Variants in SNRPN observed in about 807,000 individuals in gnomAD.
SNRPN encodes small nuclear ribonucleoprotein polypeptide N.
In SNRPN, 7 loss-of-function variants were observed where a neutral mutation model predicts 25.2. The ratio of observed to expected loss-of-function variants is 0.28; its 90% confidence interval spans 0.16 to 0.52. The LOEUF is 0.52. SNRPN is among the 20% of genes least tolerant of loss of function. The pLI is 0.96. For missense variants in SNRPN, 196 were observed against 322.5 expected (o/e 0.61, Z 3.00); for synonymous variants, 124 against 110.6 (o/e 1.12, Z -0.76).
intron 1 of SNRPN, among the ~76,000 whole-genome samples, chr15:24,824,621 A>G (rs1396234514): frequency 6.6e-6 from 1 of 152,148 alleles, no homozygotes; most frequent in African/African-American, 2.4e-5. Context: ...TTTCTTCTAT[A>G]TCAATGAGCA....
At position 24,835,122 on chromosome 15, in the gene SNRPN, TA is replaced by T. The variant is rs1169288835; in HGVS notation, c.-579+5221del. On this transcript the variant is annotated intron_variant, in intron 2 of 12. Transcript: ENST00000400100. ...GATATATATACTATATATCTATATA[TA>T]AAATATATAGATATATATACTATAT... 1.1e-4 allele frequency among the ~76,000 whole-genome samples: 7 copies of T among 62,420 alleles called. 2 individuals carry two copies. Among genetic ancestry groups the T allele is most frequent in the Admixed American group, 2.4e-4 (1 of 4,242 alleles). 40.9% of individuals were successfully genotyped at this position (62,420 alleles called of 152,430 possible). A position where few individuals can be genotyped will look rare whatever the true frequency, so the allele number is the denominator to read the frequency against.
At chr15:24,925,948 A>G (rs1352865080) in intron 3 of SNRPN, among the ~76,000 whole-genome samples, 3 of 152,038 alleles carry the variant, frequency 2.0e-5, no homozygotes, top group Non-Finnish European at 2.9e-5. Flanking sequence ...GTTAGGCAGG[A>G]TGGTCTCGAT....
At chr15:24,920,710 G>A (rs191102468) in intron 3 of SNRPN, among the ~76,000 whole-genome samples, 3 of 152,232 alleles carry the variant, frequency 2.0e-5, no homozygotes, top group African/African-American at 4.8e-5. Context: ...GGCGGGCAGC[G>A]GGCGTGTATA....
At chr15:24,918,364 ATG>A (rs2059678842) in intron 2 of SNRPN, among the ~76,000 whole-genome samples, 1 of 122,874 alleles carries the variant, frequency 8.1e-6, no homozygotes, top group Non-Finnish European at 1.7e-5. Context: ...CATTATATAT[ATG>A]TGTATATATA....
chr15:24,930,451 C>A (rs1012380661), intron 3 of SNRPN, among the ~76,000 whole-genome samples: 1 of 151,478 alleles, frequency 6.6e-6, no homozygotes, highest in African/African-American at 2.4e-5. Context: ...TCACCTATAC[C>A]TTATTAGAAC....
chr15:24,854,609 G>A (rs937680241), upstream of SNRPN, among the ~76,000 whole-genome samples: 1 of 152,046 alleles, frequency 6.6e-6, no homozygotes, highest in Admixed American at 6.6e-5. Context: ...CTTCTCAATA[G>A]ATTTATTGAA....
chr15:24,918,118 A>C (rs954570660), intron 2 of SNRPN, among the ~76,000 whole-genome samples: 1 of 151,850 alleles, frequency 6.6e-6, no homozygotes, highest in Non-Finnish European at 1.5e-5. Context: ...TCTTATAAAA[A>C]GTACGTATCT....
In SNRPN at chr15:24,834,990, GATATAT is replaced by G. The variant is rs778549429; in HGVS notation, c.-579+5089_-579+5094del. Among the ~76,000 whole-genome samples, 3 of 52,934 alleles carry G rather than the reference GATATAT, an allele frequency of 5.7e-5. 1 individual carries two copies. The highest frequency in any genetic ancestry group is 1.7e-4 in the African/African-American group (3 of 17,990). 34.7% of individuals were successfully genotyped at this position (52,934 alleles called of 152,430 possible). A position where few individuals can be genotyped will look rare whatever the true frequency, so the allele number is the denominator to read the frequency against. On this transcript the variant is annotated intron_variant, in intron 2 of 12. Transcript: ENST00000400100. Reference sequence around the variant, plus strand: ...AGTATATATATCTATATATAAAATAGATATATATAGTATATATATCTATATATAAAA... The same window carrying G: ...AGTATATATATCTATATATAAAATAGATAGTATATATATCTATATATAAAA...
chr15:24,947,864 G>C (rs1457521689), intron 3 of SNRPN, among the ~76,000 whole-genome samples: 1 of 152,018 alleles, frequency 6.6e-6, no homozygotes, highest in East Asian at 1.9e-4. Flanking sequence ...TTAGGGGGCG[G>C]AGGAATGGGT....
intron 2 of SNRPN, among the ~76,000 whole-genome samples, chr15:24,834,751 C>CTCTCTCTCTCTCTATATATATGTATA: frequency 3.3e-5 from 2 of 60,956 alleles, no homozygotes; most frequent in African/African-American, 1.2e-4. Context: ...CTCTCTCTCT[C>CTCTCTCTCTCTCTATATATATGTATA]TATATATATA....
intron 1 of SNRPN, among the ~76,000 whole-genome samples, chr15:24,878,347 C>T (rs1429757850): frequency 6.6e-6 from 1 of 152,168 alleles, no homozygotes; most frequent in Non-Finnish European, 1.5e-5. Context: ...GAGCGGCCGA[C>T]AAACCCGCAG....
chr15:24,869,719 AC>A, intron 1 of SNRPN, among the ~76,000 whole-genome samples: 1 of 152,314 alleles, frequency 6.6e-6, no homozygotes, highest in Non-Finnish European at 1.5e-5. Context: ...GATTACCTGG[AC>A]AAGTTAGCCT....
chr15:24,883,754 G>A (rs1249675223), intron 1 of SNRPN, among the ~76,000 whole-genome samples: 1 of 152,134 alleles, frequency 6.6e-6, no homozygotes, highest in Admixed American at 6.5e-5. Context: ...GCTCATGCCT[G>A]TAATTCCAGC....
chr15:24,835,799 C>T (rs2051124574), intron 2 of SNRPN, among the ~76,000 whole-genome samples: 1 of 152,102 alleles, frequency 6.6e-6, no homozygotes, highest in Non-Finnish European at 1.5e-5. Context: ...TATTTAAAAA[C>T]AACCTGAGTG....
chr15:24,919,559 T>C (rs900230249), intron 2 of SNRPN, among the ~76,000 whole-genome samples: 3 of 152,066 alleles, frequency 2.0e-5, no homozygotes, highest in African/African-American at 7.2e-5. Context: ...CGGAAATTTA[T>C]AACCAAAGAG....
chr15:24,916,240 G>A (rs1419014502), intron 2 of SNRPN, among the ~76,000 whole-genome samples: 1 of 152,124 alleles, frequency 6.6e-6, no homozygotes, highest in African/African-American at 2.4e-5. Context: ...GATTACAGGC[G>A]TGAGCCACCG....
At chr15:24,864,447 G>T (rs1388570006) in intron 1 of SNRPN, among the ~76,000 whole-genome samples, 8 of 137,172 alleles carry the variant, frequency 5.8e-5, no homozygotes, top group East Asian at 2.3e-4. Flanking sequence ...GGGTTCAAGC[G>T]ATTCTCCTGC....
chr15:24,888,499 T>G (rs1170808363), intron 2 of SNRPN, among the ~76,000 whole-genome samples: 1 of 152,254 alleles, frequency 6.6e-6, no homozygotes, highest in Non-Finnish European at 1.5e-5. Context: ...TGCAATTTTT[T>G]TCTTTTATTG....
At chr15:24,957,413 TAATG>T (rs1226797618) in intron 1 of SNRPN, among the ~76,000 whole-genome samples, 1 of 152,204 alleles carries the variant, frequency 6.6e-6, no homozygotes, top group Non-Finnish European at 1.5e-5. Context: ...ATTTTTAAAT[TAATG>T]ATCATTTTTG....
Sources: allele counts gnomAD v4.1 joint callset (sites outside exome capture counted in the v4.1 genomes callset), GRCh38; gene constraint gnomAD v4.1.1; transcripts MANE v1.5; gene names NCBI Gene and HGNC (gene_info 2026-07-23, HGNC 2026-07-21).